Variants in DMD observed in about 807,000 individuals in gnomAD.
DMD encodes mutant dystrophin.
A neutral mutation model predicts 330.1 loss-of-function variants in DMD; 63 were observed. The observed-to-expected ratio is 0.19, with a 90% CI of 0.16 to 0.24. The LOEUF (loss-of-function observed/expected upper bound fraction) is 0.24, where lower values mean the gene tolerates loss of function less well. Ranked by LOEUF, DMD falls within the 10% of genes least tolerant of loss-of-function variation. DMD has a pLI of 1.00. For synonymous variants in DMD, 1,223 were observed against 959.8 expected, an observed-to-expected ratio of 1.27 and a Z score of -5.07; for missense variants, 3,344 against 2,684.1, an observed-to-expected ratio of 1.25 and a Z score of -5.43.
intron 37 of DMD, among the ~76,000 whole-genome samples, chrX:32,349,708 T>A (rs1171105647): frequency 2.7e-5 from 3 of 111,955 alleles, no homozygotes; most frequent in Non-Finnish European, 5.7e-5. Flanking sequence ...ATGACATGAT[T>A]CTCATATGCA....
chrX:32,219,099 G>A (rs1469038716), intron 43 of DMD, among the ~76,000 whole-genome samples: 1 of 112,105 alleles, frequency 8.9e-6, no homozygotes, highest in Non-Finnish European at 1.9e-5. Flanking sequence ...GGTAGCCGAA[G>A]AGGTATTCTC....
intron 67 of DMD, among the ~76,000 whole-genome samples, chrX:31,202,863 A>C (rs1229262349): frequency 8.9e-6 from 1 of 112,655 alleles, no homozygotes; most frequent in Non-Finnish European, 1.9e-5. Flanking sequence ...CTTTTGAAGA[A>C]AGGCCACAAA....
At chrX:31,628,915 CATATATATATAT>C (rs10524146) in intron 54 of DMD, among the ~76,000 whole-genome samples, 4 of 82,784 alleles carry the variant, frequency 4.8e-5, no homozygotes, top group Non-Finnish European at 7.2e-5. Flanking sequence ...TATTTTTGAT[CATATATATATAT>C]ATATATATAT....
At chrX:32,528,644 A>G (rs1406408849) in intron 17 of DMD, among the ~76,000 whole-genome samples, 2 of 111,442 alleles carry the variant, frequency 1.8e-5, no homozygotes, top group African/African-American at 3.3e-5. Flanking sequence ...TGACACTTAC[A>G]TCAACACAGA....
chrX:33,235,601 T>G (rs1256143944), intron 1 of DMD, among the ~76,000 whole-genome samples: 1 of 111,684 alleles, frequency 9.0e-6, no homozygotes, highest in Non-Finnish European at 1.9e-5. Context: ...CACAACAGTT[T>G]AATCATTTAG....
chrX:32,721,202 T>C (rs1313364723), intron 7 of DMD, among the ~76,000 whole-genome samples: 2 of 110,830 alleles, frequency 1.8e-5, no homozygotes, highest in African/African-American at 6.6e-5. Flanking sequence ...CTGATTTCAT[T>C]TTCTGTGGGT....
At chrX:32,653,969 T>A (rs1264765023) in intron 9 of DMD, among the ~76,000 whole-genome samples, 7 of 112,031 alleles carry the variant, frequency 6.2e-5, no homozygotes, top group South Asian at 3.7e-4. Context: ...TATTGGTGTA[T>A]AAGAATGCTT....
intron 23 of DMD, among the ~76,000 whole-genome samples, chrX:32,467,265 C>T (rs1404471856): frequency 9.0e-6 from 1 of 111,690 alleles, no homozygotes; most frequent in Non-Finnish European, 1.9e-5. Context: ...ACGTTTTCGA[C>T]ATTTCCTTCC....
intron 45 of DMD, among the ~76,000 whole-genome samples, chrX:31,939,796 G>A (rs2094969688): frequency 8.9e-6 from 1 of 111,742 alleles, no homozygotes; most frequent in Non-Finnish European, 1.9e-5. Context: ...AAAACATTAT[G>A]AGTACACAGG....
At chrX:32,143,975 G>A (rs1038693161) in intron 44 of DMD, among the ~76,000 whole-genome samples, 1 of 110,457 alleles carries the variant, frequency 9.1e-6, no homozygotes, top group Non-Finnish European at 1.9e-5. Context: ...AATATGTTTC[G>A]TTCTGGGTAC....
At chrX:32,365,945 T>C (rs1297801854) in intron 34 of DMD, among the ~76,000 whole-genome samples, 1 of 111,700 alleles carries the variant, frequency 9.0e-6, no homozygotes, top group African/African-American at 3.3e-5. Flanking sequence ...TGCTGGAGTT[T>C]GTTGCTCACA....
intron 52 of DMD, among the ~76,000 whole-genome samples, chrX:31,725,157 T>C (rs1292094273): frequency 3.6e-5 from 4 of 111,641 alleles, no homozygotes; most frequent in Non-Finnish European, 7.5e-5. Flanking sequence ...TCCTCACTTG[T>C]CATCTTCCTA....
At chrX:32,005,963 T>C (rs2095658826) in intron 44 of DMD, among the ~76,000 whole-genome samples, 4 of 111,416 alleles carry the variant, frequency 3.6e-5, no homozygotes, top group South Asian at 7.5e-4. Flanking sequence ...GGTGTACCAG[T>C]CTCAGAAACA....
At chrX:32,456,494 G>C (rs140752834) in intron 25 of DMD, among the ~76,000 whole-genome samples, 128 of 110,719 alleles carry the variant, frequency 1.2e-3, no homozygotes, top group African/African-American at 4.0e-3. Context: ...TTTTAAGGCA[G>C]TTGGTGAAGC....
intron 51 of DMD, among the ~76,000 whole-genome samples, chrX:31,768,614 T>C (rs772531405): frequency 9.0e-6 from 1 of 111,421 alleles, no homozygotes; most frequent in Non-Finnish European, 1.9e-5. Context: ...CTTCATTTGA[T>C]AGATTATGTC....
At chrX:32,814,665 T>A (rs992981478) in intron 6 of DMD, among the ~76,000 whole-genome samples, 5 of 111,806 alleles carry the variant, frequency 4.5e-5, no homozygotes, top group Admixed American at 2.9e-4. Context: ...AGAGAGTATA[T>A]AAATGAGGAT....
chrX:32,431,638 T>C (rs1465626061), intron 29 of DMD, among the ~76,000 whole-genome samples: 2 of 111,681 alleles, frequency 1.8e-5, no homozygotes, highest in African/African-American at 3.2e-5. Flanking sequence ...TGTTTATATA[T>C]GATATATTCA....
At chrX:31,925,826 C>T (rs370429192) in intron 47 of DMD, among the ~76,000 whole-genome samples, 1 of 102,620 alleles carries the variant, frequency 9.7e-6, no homozygotes, top group Non-Finnish European at 2.0e-5. Context: ...GAGTGGAGAT[C>T]GTGCCATTGC....
rs952922911 is a variant in DMD at position 31,922,538 on chromosome X, G to T, written c.6912+7058C>A. ...TGTGTGTGTGTGTGCGCGCGCGTGC[G>T]CTAGGGGGGTGCAGAGGAGGCAGAC... On this transcript the variant is annotated intron_variant, in intron 47 of 78. Transcript: ENST00000357033. 7.3e-5 allele frequency among the ~76,000 whole-genome samples: 8 copies of T among 109,874 alleles called. No homozygotes were observed. The East Asian group carries it at 2.0e-3, about 28-fold the overall frequency.
Sources: gnomAD v4.1 joint callset for allele counts (sites outside exome capture counted in the v4.1 genomes callset) on GRCh38, gnomAD v4.1.1 for gene constraint, MANE v1.5 for transcripts, NCBI Gene and HGNC (gene_info 2026-07-23, HGNC 2026-07-21) for gene names.